Variants in C9orf153 observed in about 807,000 individuals in gnomAD.
C9orf153 encodes the protein uncharacterized protein C9orf153.
C9orf153 carries 10 observed loss-of-function variants against 9.0 expected under a neutral mutation model. That is an observed-to-expected ratio of 1.11 (90% CI 0.69 to 1.89). The LOEUF is 1.89. Among genes scored for constraint, C9orf153 ranks in the 40% most tolerant of loss-of-function variants. The probability of loss-of-function intolerance (pLI) is 0.00; values close to 1 mark genes in which losing one functional copy is unlikely to be tolerated. For missense variants in C9orf153, 108 were observed against 111.0 expected, an observed-to-expected ratio of 0.97 and a Z score of 0.12; for synonymous variants, 35 against 37.3, an observed-to-expected ratio of 0.94 and a Z score of 0.23.
At position 86,221,536 on chromosome 9, in the gene C9orf153, A is replaced by C; in HGVS notation, c.*152T>G. On this transcript the variant is annotated 3_prime_UTR_variant, in exon 4 of 4. Transcript: ENST00000339137. Reference sequence around the variant, plus strand: ...AGAGAATAACTTCCTTCATTTTGATAATCAATTTGAGGATAAATGACCAAA... The same window carrying C: ...AGAGAATAACTTCCTTCATTTTGATCATCAATTTGAGGATAAATGACCAAA... 7.4e-7 allele frequency: 1 copy of C among 1,350,388 alleles called. No individual in the cohort carries two copies. The highest frequency in any genetic ancestry group is 9.5e-7 in the Non-Finnish European group (1 of 1,050,206). The allele number at this position is 1,350,388 out of a possible 1,614,324, so 83.7% of individuals were successfully genotyped here. A position where few individuals can be genotyped will look rare whatever the true frequency, so the allele number is the denominator to read the frequency against.
chr9:86,256,311 T>C (rs868002113), intron 1 of C9orf153, among the ~76,000 whole-genome samples: 55 of 152,354 alleles, frequency 3.6e-4, no homozygotes, highest in African/African-American at 1.3e-3. Flanking sequence ...CATCATTATT[T>C]TAGGTTTCAA....
intron 1 of C9orf153, among the ~76,000 whole-genome samples, chr9:86,257,437 G>C (rs1418280049): frequency 6.6e-6 from 1 of 152,148 alleles, no homozygotes; most frequent in Non-Finnish European, 1.5e-5. Flanking sequence ...TCAGTTGGAG[G>C]CTCCATCAAG....
intron 1 of C9orf153, among the ~76,000 whole-genome samples, chr9:86,234,405 A>G (rs1824536130): frequency 6.6e-6 from 1 of 152,264 alleles, no homozygotes; most frequent in South Asian, 2.1e-4. Context: ...TTATTTAAAG[A>G]GAACTCAATT....
At chr9:86,230,713 C>A (rs1271552509) in intron 1 of C9orf153, among the ~76,000 whole-genome samples, 8 of 152,092 alleles carry the variant, frequency 5.3e-5, no homozygotes, top group Admixed American at 3.9e-4. Context: ...GAGGAAAAGG[C>A]TCATATGTAA....
At chr9:86,244,265 GGGTCTTGCTATGTTGCCCAGCT>G (rs1372269204) in intron 1 of C9orf153, among the ~76,000 whole-genome samples, 1 of 152,052 alleles carries the variant, frequency 6.6e-6, no homozygotes, top group Non-Finnish European at 1.5e-5. Flanking sequence ...TGTAGAGACA[GGGTCTTGCTATGTTGCCCAGCT>G]GGTCTCCAAC....
In C9orf153 at chr9:86,221,087, G is replaced by C. The variant is rs1008816853; in HGVS notation, c.*601C>G. 1 of 152,132 alleles carries C rather than the reference G, an allele frequency of 6.6e-6. No homozygotes were observed. Among genetic ancestry groups the C allele is most frequent in the Non-Finnish European group, 1.5e-5 (1 of 68,024 alleles). The allele number at this position is 152,132 out of a possible 1,614,324, so 9.4% of individuals were successfully genotyped here. On this transcript the variant is annotated 3_prime_UTR_variant, in exon 4 of 4. Coordinates refer to ENST00000339137, the MANE Select transcript of C9orf153 (RefSeq NM_001276366.4). Reference sequence around the variant, plus strand: ...CTGTTTCCTTCTTTGTCACTGGACAGTTAATAGATTATATTTAAGTTCTCA... The same window carrying C: ...CTGTTTCCTTCTTTGTCACTGGACACTTAATAGATTATATTTAAGTTCTCA...
chr9:86,221,415 G>T lies in C9orf153; in HGVS notation c.*273C>A. 1 of 537,976 alleles carries T rather than the reference G, an allele frequency of 1.9e-6. No homozygotes were observed. Among genetic ancestry groups the T allele is most frequent in the Non-Finnish European group, 2.8e-6 (1 of 354,400 alleles). The allele number at this position is 537,976 out of a possible 1,614,324, so 33.3% of individuals were successfully genotyped here. On this transcript the variant is annotated 3_prime_UTR_variant, in exon 4 of 4. Coordinates refer to ENST00000339137, the MANE Select transcript of C9orf153 (RefSeq NM_001276366.4). ...CACACTCACTTCAGATGTTCTATTG[G>T]GTACTTGGCTTCTTTACTTTTTGTG... is the stretch of plus-strand genomic sequence containing the variant.
intron 3 of C9orf153, chr9:86,227,572 T>G: frequency 1.0e-6 from 1 of 985,330 alleles, no homozygotes; most frequent in Non-Finnish European, 1.2e-6. Flanking sequence ...ATCTACAAAG[T>G]TTATCTTCAG....
intron 1 of C9orf153, among the ~76,000 whole-genome samples, chr9:86,254,998 G>T (rs1825083250): frequency 6.6e-6 from 1 of 151,534 alleles, no homozygotes; most frequent in Non-Finnish European, 1.5e-5. Context: ...CCAGGAGGTG[G>T]AGGTTGCAGT....
chr9:86,240,707 C>CTTTTTTTTTTTTT lies in C9orf153; in HGVS notation c.-26-11091_-26-11079dup, dbSNP rs367674249. On this transcript the variant is annotated intron_variant, in intron 1 of 3. Coordinates refer to ENST00000339137, the MANE Select transcript of C9orf153 (RefSeq NM_001276366.4). ...TTGCTTTTCTTTTCTTTTTCTTTTT[C>CTTTTTTTTTTTTT]TTTTTTTTTTTTTTTTTTTGAGATG... 3.2e-4 allele frequency among the ~76,000 whole-genome samples: 38 copies of CTTTTTTTTTTTTT among 117,018 alleles called. 1 individual carries two copies. The highest frequency in any genetic ancestry group is 4.9e-4 in the Non-Finnish European group (28 of 57,060). 76.8% of individuals were successfully genotyped at this position (117,018 alleles called of 152,430 possible).
chr9:86,259,353 T>C (rs967871178), intron 1 of C9orf153, among the ~76,000 whole-genome samples, 197 bp downstream of exon 1: 1 of 152,096 alleles, frequency 6.6e-6, no homozygotes, highest in African/African-American at 2.4e-5. Context: ...GTGACCTGCC[T>C]GGAGGAAGAT....
At chr9:86,230,448 T>C (rs957936821) in intron 1 of C9orf153, among the ~76,000 whole-genome samples, 3 of 152,184 alleles carry the variant, frequency 2.0e-5, no homozygotes, top group African/African-American at 4.8e-5. Context: ...ATTACAGGCA[T>C]GTGCCACCAC....
At chr9:86,253,247 G>C (rs927039427) in intron 1 of C9orf153, among the ~76,000 whole-genome samples, 5 of 152,218 alleles carry the variant, frequency 3.3e-5, no homozygotes, top group African/African-American at 1.2e-4. Flanking sequence ...ACTGCTTTGA[G>C]GAATCATGGT....
At chr9:86,229,771 T>C (rs1824426610) in intron 1 of C9orf153, 142 bp from the exon 2 acceptor site, 2 of 573,452 alleles carry the variant, frequency 3.5e-6, no homozygotes, top group South Asian at 4.1e-5. Flanking sequence ...TAGTCCATTC[T>C]TGAATTGCTC....
chr9:86,227,271 C>T (rs1028843577), intron 3 of C9orf153: 6 of 1,383,786 alleles, frequency 4.3e-6, no homozygotes, highest in African/African-American at 1.5e-5. Context: ...CTAAACCTCT[C>T]GGGTAGCCGA....
At chr9:86,222,467 T>C (rs1824227136) in intron 3 of C9orf153, among the ~76,000 whole-genome samples, 1 of 152,128 alleles carries the variant, frequency 6.6e-6, no homozygotes, top group South Asian at 2.1e-4. Flanking sequence ...TCTTCCAAGA[T>C]GCTAATGTAA....
chr9:86,231,840 C>G (rs1824478210), intron 1 of C9orf153, among the ~76,000 whole-genome samples: 1 of 152,118 alleles, frequency 6.6e-6, no homozygotes, highest in African/African-American at 2.4e-5. Flanking sequence ...AAATATTTCT[C>G]TAATGTGCTT....
intron 1 of C9orf153, among the ~76,000 whole-genome samples, chr9:86,236,041 C>T (rs911450485): frequency 1.3e-5 from 2 of 151,826 alleles, no homozygotes; most frequent in African/African-American, 4.8e-5. Flanking sequence ...ATTCATACTG[C>T]AGAAAACCAA....
At chr9:86,223,172 A>C (rs1824244094) in intron 3 of C9orf153, among the ~76,000 whole-genome samples, 1 of 152,058 alleles carries the variant, frequency 6.6e-6, no homozygotes, top group Non-Finnish European at 1.5e-5. Context: ...GATCTTTAAC[A>C]AGAGAAGGTT....
Sources: allele counts gnomAD v4.1 joint callset (sites outside exome capture counted in the v4.1 genomes callset), GRCh38; gene constraint gnomAD v4.1.1; transcripts MANE v1.5; gene names NCBI Gene and HGNC (gene_info 2026-07-23, HGNC 2026-07-21).